Variants in ACYP2 observed in about 807,000 individuals in gnomAD.
ACYP2 encodes the protein acylphosphatase 2.
A neutral mutation model predicts 11.2 loss-of-function variants in ACYP2; 12 were observed. The observed-to-expected ratio is 1.08, with a 90% CI of 0.69 to 1.74. The LOEUF (loss-of-function observed/expected upper bound fraction) is 1.74. Among genes scored for constraint, ACYP2 ranks in the 40% most tolerant of loss-of-function variants. The probability of loss-of-function intolerance (pLI) is 0.00; values close to 1 mark genes in which losing one functional copy is unlikely to be tolerated. For synonymous variants in ACYP2, 43 were observed against 32.2 expected (o/e 1.33, Z -1.13); for missense variants, 134 against 101.9 (o/e 1.31, Z -1.35).
In ACYP2 at chr2:54,087,322, A is replaced by T. The variant is rs75548326; in HGVS notation, c.277+29962A>T. ...GCTAAATGTTTCTAATCTTCTTGGC[A>T]TTGACCTGCTAGTTTCATTCACTTT... On this transcript the variant is annotated intron_variant, in intron 4 of 6. Coordinates refer to ENST00000607452, the MANE Select transcript of ACYP2 (RefSeq NM_001320586.2). Among the ~76,000 whole-genome samples, 441 of 152,310 alleles carry T rather than the reference A, an allele frequency of 2.9e-3. 4 individuals carry two copies. Among genetic ancestry groups the T allele is most frequent in the African/African-American group, 9.9e-3 (411 of 41,570 alleles).
intron 2 of ACYP2, among the ~76,000 whole-genome samples, chr2:53,993,752 T>C (rs1382559606): frequency 6.6e-6 from 1 of 152,020 alleles, no homozygotes; most frequent in Non-Finnish European, 1.5e-5. Flanking sequence ...TGGTAGTCTC[T>C]ATTTTCCCGG....
rs773321730 is a variant in ACYP2, at chr2:54,256,058, C to T, written c.405-48630C>T. Reference sequence around the variant, plus strand: ...AACATATCTGCCATTACCTCTGTCGCCTTGCTCTTTTCTCGGGACCTCTGG... The same window carrying T: ...AACATATCTGCCATTACCTCTGTCGTCTTGCTCTTTTCTCGGGACCTCTGG... On this transcript the variant is annotated intron_variant, in intron 6 of 6. Transcript: ENST00000607452. 3 of 1,614,050 alleles carry T rather than the reference C, an allele frequency of 1.9e-6. No homozygotes were observed. The African/African-American group carries it at 4.0e-5, about 22-fold the overall frequency.
intron 4 of ACYP2, among the ~76,000 whole-genome samples, chr2:54,103,159 A>T (rs933385066): frequency 8.0e-6 from 1 of 124,604 alleles, no homozygotes; most frequent in Non-Finnish European, 2.0e-5. Context: ...GAAAAAATTT[A>T]TATTACAAGT....
At chr2:54,302,328 T>G (rs1270055328) in intron 6 of ACYP2, among the ~76,000 whole-genome samples, 1 of 152,122 alleles carries the variant, frequency 6.6e-6, no homozygotes. Flanking sequence ...ATTTCTCACC[T>G]CACTGGCCCT....
intron 2 of ACYP2, chr2:53,973,907 AT>A (rs1205008152): frequency 0.058 from 2,403 of 41,146 alleles, 61 homozygotes; most frequent in African/African-American, 0.066. Flanking sequence ...GTGTGTATAT[AT>A]TTTTTTTTTT....
At chr2:54,019,715 G>A (rs1392489732) in intron 2 of ACYP2, among the ~76,000 whole-genome samples, 1 of 151,866 alleles carries the variant, frequency 6.6e-6, no homozygotes, top group Non-Finnish European at 1.5e-5. Context: ...TGCCTCCCGG[G>A]TTCAAGCGAT....
intron 6 of ACYP2, among the ~76,000 whole-genome samples, chr2:54,235,807 A>G (rs543110790): frequency 6.6e-6 from 1 of 152,344 alleles, no homozygotes; most frequent in Non-Finnish European, 1.5e-5. Flanking sequence ...TGCATGCAGC[A>G]TGAGCAATGA....
chr2:54,207,486 G>T (rs576120069), intron 6 of ACYP2, among the ~76,000 whole-genome samples: 2 of 152,234 alleles, frequency 1.3e-5, no homozygotes, highest in South Asian at 4.1e-4. Flanking sequence ...GATTGTAAAT[G>T]TTAATCATAT....
chr2:54,187,060 C>T (rs547121652), intron 6 of ACYP2, among the ~76,000 whole-genome samples: 1 of 151,898 alleles, frequency 6.6e-6, no homozygotes. Flanking sequence ...TAAAAGCTAG[C>T]CTTGCCTCTA....
intron 6 of ACYP2, among the ~76,000 whole-genome samples, chr2:54,179,928 G>T (rs1683632579): frequency 6.6e-6 from 1 of 152,072 alleles, no homozygotes; most frequent in South Asian, 2.1e-4. Context: ...CACAGATTGG[G>T]GGCTCAGTCC....
At chr2:54,071,095 G>A (rs1241427584) in intron 4 of ACYP2, among the ~76,000 whole-genome samples, 1 of 152,030 alleles carries the variant, frequency 6.6e-6, no homozygotes, top group East Asian at 1.9e-4. Context: ...ACCCTTTCAT[G>A]ATAATAGCAT....
intron 6 of ACYP2, among the ~76,000 whole-genome samples, chr2:54,216,629 C>T (rs1685571109): frequency 6.6e-6 from 1 of 151,964 alleles, no homozygotes; most frequent in African/African-American, 2.4e-5. Context: ...CTTCAGCCTC[C>T]TGAGTTCAAG....
intron 6 of ACYP2, among the ~76,000 whole-genome samples, chr2:54,230,778 G>A (rs934102825): frequency 2.3e-4 from 34 of 150,772 alleles, no homozygotes; most frequent in Non-Finnish European, 1.9e-4. Flanking sequence ...TGGAAGCCCC[G>A]CTTTGAGTTG....
intron 4 of ACYP2, among the ~76,000 whole-genome samples, chr2:54,133,065 A>G (rs868195108): frequency 1.6e-4 from 24 of 152,188 alleles, no homozygotes; most frequent in Non-Finnish European, 2.8e-4. Context: ...TAACAAATGC[A>G]TACAGTCATG....
At chr2:54,110,318 CAT>C (rs2103716838) in intron 4 of ACYP2, among the ~76,000 whole-genome samples, 1 of 152,254 alleles carries the variant, frequency 6.6e-6, no homozygotes, top group East Asian at 1.9e-4. Flanking sequence ...TATTTCAGTA[CAT>C]GCCTCTAACA....
intron 6 of ACYP2, among the ~76,000 whole-genome samples, chr2:54,174,509 C>G (rs1046325446): frequency 1.8e-4 from 28 of 152,054 alleles, no homozygotes; most frequent in Non-Finnish European, 3.4e-4. Flanking sequence ...AATTGGATAC[C>G]CTTTATTTCT....
chr2:54,063,629 T>C (rs1024825298), intron 4 of ACYP2, among the ~76,000 whole-genome samples: 7 of 152,226 alleles, frequency 4.6e-5, no homozygotes, highest in African/African-American at 1.7e-4. Flanking sequence ...CTATTCTTTC[T>C]AGGTTCTGGG....
At chr2:54,032,983 G>A (rs1674670028) in intron 2 of ACYP2, among the ~76,000 whole-genome samples, 1 of 152,148 alleles carries the variant, frequency 6.6e-6, no homozygotes, top group Non-Finnish European at 1.5e-5. Flanking sequence ...CAGAGAAAGT[G>A]GCTTCTACAA....
At chr2:54,148,518 A>G (rs1266803156) in intron 6 of ACYP2, among the ~76,000 whole-genome samples, 1 of 152,132 alleles carries the variant, frequency 6.6e-6, no homozygotes, top group Non-Finnish European at 1.5e-5. Context: ...CACTTTGTAC[A>G]TGTTGTCTCG....
Sources: gnomAD v4.1 joint callset for allele counts (sites outside exome capture counted in the v4.1 genomes callset) on GRCh38, gnomAD v4.1.1 for gene constraint, MANE v1.5 for transcripts, NCBI Gene and HGNC (gene_info 2026-07-23, HGNC 2026-07-21) for gene names.